Variants in TEX9 observed in about 807,000 individuals in gnomAD.
TEX9 encodes the protein testis-expressed protein 9.
TEX9 carries 74 observed loss-of-function variants against 59.6 expected under a neutral mutation model. That is an observed-to-expected ratio of 1.24 (90% confidence interval 1.03 to 1.51). The LOEUF (loss-of-function observed/expected upper bound fraction) is 1.51. Ranked by LOEUF, TEX9 falls within the 40% of genes most tolerant of loss-of-function variation. The pLI, the probability that TEX9 is intolerant of heterozygous loss-of-function variation, is 0.00. For synonymous variants in TEX9, 186 were observed against 152.2 expected (o/e 1.22, Z -1.64); for missense variants, 522 against 447.8 (o/e 1.17, Z -1.49).
At chr15:56,340,425 C>T (rs554906064) in intron 1 of TEX9, among the ~76,000 whole-genome samples, 1 of 152,254 alleles carries the variant, frequency 6.6e-6, no homozygotes, top group Admixed American at 6.5e-5. Context: ...TTTTATTCAA[C>T]GTCTCTCAAA....
intron 1 of TEX9, among the ~76,000 whole-genome samples, chr15:56,284,527 A>G (rs1196835030): frequency 6.6e-6 from 1 of 152,054 alleles, no homozygotes; most frequent in East Asian, 1.9e-4. Context: ...TATAAACTAT[A>G]TTAAATAATA....
intron 1 of TEX9, among the ~76,000 whole-genome samples, chr15:56,269,936 G>A (rs1162039851): frequency 9.9e-5 from 15 of 152,098 alleles, no homozygotes; most frequent in African/African-American, 1.9e-4. Context: ...GATTACAGGC[G>A]TGAGCCACCG....
At chr15:56,345,814 A>G (rs2046459701) in intron 1 of TEX9, among the ~76,000 whole-genome samples, 1 of 152,250 alleles carries the variant, frequency 6.6e-6, no homozygotes, top group Non-Finnish European at 1.5e-5. Flanking sequence ...GCTTTGGGGC[A>G]AGGAACAACT....
At chr15:56,423,109 GGGTAT>G (rs2050062146) in intron 10 of TEX9, among the ~76,000 whole-genome samples, 1 of 152,086 alleles carries the variant, frequency 6.6e-6, no homozygotes, top group South Asian at 2.1e-4. Flanking sequence ...CTTTGAACAA[GGGTAT>G]ACAGATATCA....
intron 3 of TEX9, 92 bp downstream of exon 3, chr15:56,373,596 C>A: frequency 2.0e-6 from 2 of 1,014,204 alleles, no homozygotes; most frequent in East Asian, 6.3e-5. Flanking sequence ...AAACACTAGC[C>A]AAAGCATGTG....
At chr15:56,384,759 G>T (rs2047888326) in intron 4 of TEX9, among the ~76,000 whole-genome samples, 1 of 152,166 alleles carries the variant, frequency 6.6e-6, no homozygotes, top group African/African-American at 2.4e-5. Context: ...AATGAATTTA[G>T]TAAAACTATC....
downstream of TEX9, among the ~76,000 whole-genome samples, chr15:56,449,570 T>A (rs1412887857): frequency 6.6e-6 from 1 of 152,212 alleles, no homozygotes; most frequent in African/African-American, 2.4e-5. Context: ...TCATATCGTA[T>A]TCAGGTAATG....
the TEX9 span, among the ~76,000 whole-genome samples, chr15:56,458,123 TAC>T: frequency 1.3e-5 from 2 of 152,208 alleles, no homozygotes; most frequent in Non-Finnish European, 2.9e-5. Flanking sequence ...AAAGATTACA[TAC>T]AGTTTGATGC....
intron 1 of TEX9, among the ~76,000 whole-genome samples, chr15:56,329,855 A>T (rs1421321505): frequency 1.3e-5 from 2 of 152,170 alleles, no homozygotes; most frequent in Non-Finnish European, 2.9e-5. Flanking sequence ...GAGAAAGTTT[A>T]TTTGAAGGGT....
At chr15:56,248,105 T>C (rs1192749192) in intron 1 of TEX9, among the ~76,000 whole-genome samples, 3 of 152,180 alleles carry the variant, frequency 2.0e-5, no homozygotes, top group Non-Finnish European at 2.9e-5. Flanking sequence ...AATGCTGTAA[T>C]GTGATTGAGC....
intron 1 of TEX9, among the ~76,000 whole-genome samples, chr15:56,252,719 G>A (rs2682053): frequency 0.35 from 52,496 of 151,758 alleles, 9,742 homozygotes; most frequent in Non-Finnish European, 0.41. Context: ...GATGAGGCTT[G>A]AGGCTGACCC....
At chr15:56,258,911 T>A (rs942950213) in intron 1 of TEX9, among the ~76,000 whole-genome samples, 1 of 149,842 alleles carries the variant, frequency 6.7e-6, no homozygotes, top group Non-Finnish European at 1.5e-5. Flanking sequence ...TGTATATATA[T>A]ACATATATAA....
At chr15:56,430,317 C>A (rs1231743409) in intron 12 of TEX9, among the ~76,000 whole-genome samples, 163 bp downstream of exon 12, 32 of 152,158 alleles carry the variant, frequency 2.1e-4, no homozygotes, top group Admixed American at 1.9e-3. Context: ...AGCAATCTTC[C>A]AACCTCAGCC....
intron 10 of TEX9, among the ~76,000 whole-genome samples, chr15:56,426,589 G>GTATATATATATATATATATATA (rs71110391): frequency 8.2e-5 from 2 of 24,306 alleles, no homozygotes; most frequent in Non-Finnish European, 1.7e-4. Flanking sequence ...TTGAAAAGGT[G>GTATATATATATATATATATATA]TATATATATA....
intron 1 of TEX9, among the ~76,000 whole-genome samples, chr15:56,359,421 C>T (rs890531681): frequency 6.6e-6 from 1 of 152,102 alleles, no homozygotes; most frequent in African/African-American, 2.4e-5. Context: ...TATGAATTAA[C>T]CATTTCTAGG....
At chr15:56,353,856 T>A (rs1045625851) in intron 1 of TEX9, among the ~76,000 whole-genome samples, 2 of 152,182 alleles carry the variant, frequency 1.3e-5, no homozygotes, top group East Asian at 3.8e-4. Context: ...TGGCTCCTAG[T>A]TCTTGTACTT....
intron 1 of TEX9, among the ~76,000 whole-genome samples, chr15:56,355,705 T>C (rs1365752672): frequency 6.6e-6 from 1 of 152,126 alleles, no homozygotes; most frequent in African/African-American, 2.4e-5. Flanking sequence ...AGTCCACCAA[T>C]CCATGAACAC....
At chr15:56,408,213 C>G (rs1418987461) in intron 9 of TEX9, among the ~76,000 whole-genome samples, 1 of 152,180 alleles carries the variant, frequency 6.6e-6, no homozygotes, top group Non-Finnish European at 1.5e-5. Flanking sequence ...GCTTAGGCTT[C>G]CATCTCTACC....
At chr15:56,249,516 G>A (rs2043958221) in intron 1 of TEX9, among the ~76,000 whole-genome samples, 1 of 151,732 alleles carries the variant, frequency 6.6e-6, no homozygotes, top group East Asian at 1.9e-4. Flanking sequence ...GAGACAGGTG[G>A]ATCACAAGGT....
Sources: allele counts gnomAD v4.1 joint callset (sites outside exome capture counted in the v4.1 genomes callset), GRCh38; gene constraint gnomAD v4.1.1; transcripts MANE v1.5; gene names NCBI Gene and HGNC (gene_info 2026-07-23, HGNC 2026-07-21).